The following BIN2 variants were observed in gnomAD, a reference collection of about 807,000 sequenced individuals.
BIN2 encodes breast cancer associated protein BRAP1.
A neutral mutation model predicts 67.9 loss-of-function variants in BIN2; 43 were observed. That is an observed-to-expected ratio of 0.63 (90% CI 0.50 to 0.82). The LOEUF is 0.82. Ranked by LOEUF, BIN2 falls within the 40% of genes least tolerant of loss-of-function variation. The pLI is 0.00. For missense variants in BIN2, 581 were observed against 671.6 expected, an observed-to-expected ratio of 0.87 and a Z score of 1.49; for synonymous variants, 244 against 246.8, an observed-to-expected ratio of 0.99 and a Z score of 0.11.
At chr12:51,307,516 CTGGCCAACA>C (rs1376620223) in intron 2 of BIN2, among the ~76,000 whole-genome samples, 1 of 151,664 alleles carries the variant, frequency 6.6e-6, no homozygotes, top group Non-Finnish European at 1.5e-5. Context: ...CAAGACCAGC[CTGGCCAACA>C]TGGTGAAACC....
At chr12:51,319,988 T>C (rs1946228441) in intron 1 of BIN2, among the ~76,000 whole-genome samples, 1 of 152,116 alleles carries the variant, frequency 6.6e-6, no homozygotes, top group Admixed American at 6.5e-5. Context: ...TCTCCCTCTC[T>C]TTCTTTCTTA....
In BIN2 at chr12:51,324,094, C is replaced by T. The variant is rs749090623; in HGVS notation, c.9G>A (p.Glu3=). The change falls in exon 1 of 13, where the codon GAG becomes GAA. Residue 3 remains glutamate, a synonymous_variant. Coordinates refer to ENST00000615107, the MANE Select transcript of BIN2 (RefSeq NM_016293.4). The stretch of plus-strand genomic sequence containing the variant: ...GGCCGGCCGCGCCGCCTGCCTTGCC[C>T]TCTGCCATCCTGCCAACTCCCTGGG... MA[E]GKAGGAAGLF... is the part of the protein sequence containing the mutation. The T allele has an allele frequency of 3.1e-6, 5 of 1,613,390 alleles. No homozygotes were observed. The East Asian group carries it at 8.9e-5, about 29-fold the overall frequency.
intron 1 of BIN2, among the ~76,000 whole-genome samples, chr12:51,319,808 T>C (rs1367329387): frequency 6.6e-6 from 1 of 152,194 alleles, no homozygotes; most frequent in Non-Finnish European, 1.5e-5. Context: ...TTCCCTACCA[T>C]TGCCTCTCCC....
chr12:51,288,059 G>T, intron 11 of BIN2, 49 bp downstream of exon 11: 3 of 1,296,756 alleles, frequency 2.3e-6, no homozygotes, highest in Non-Finnish European at 3.3e-6. Context: ...AAATTTTAAT[G>T]TACAAAAAAA....
At chr12:51,315,255 C>G (rs1483152004) in intron 1 of BIN2, among the ~76,000 whole-genome samples, 1 of 151,906 alleles carries the variant, frequency 6.6e-6, no homozygotes, top group Admixed American at 6.6e-5. Flanking sequence ...CTGCAAGCTC[C>G]GCCTCCCGGG....
At chr12:51,321,938 G>A (rs1946294193) in intron 1 of BIN2, among the ~76,000 whole-genome samples, 1 of 152,208 alleles carries the variant, frequency 6.6e-6, no homozygotes. Context: ...ACGGAGCTGA[G>A]CTCCCTTCCG....
At chr12:51,324,327 T>A (rs1000497833), upstream of BIN2, 4 of 1,336,480 alleles carry the variant, frequency 3.0e-6, no homozygotes, top group African/African-American at 6.1e-5. Context: ...CAGGCAGCGC[T>A]CGCTCGAGGC....
chr12:51,306,858 A>G (rs1945875918), intron 2 of BIN2, among the ~76,000 whole-genome samples: 1 of 152,226 alleles, frequency 6.6e-6, no homozygotes, highest in Non-Finnish European at 1.5e-5. Context: ...AAAAGCTTAG[A>G]TAGCCTAACA....
At chr12:51,284,671 C>T in intron 12 of BIN2, 45 bp downstream of exon 12, 1 of 1,466,306 alleles carries the variant, frequency 6.8e-7, no homozygotes, top group Non-Finnish European at 9.6e-7. Context: ...TCCCAAACCC[C>T]TGTCAATCTA....
intron 12 of BIN2, among the ~76,000 whole-genome samples, chr12:51,282,768 T>A (rs1486721510): frequency 6.6e-6 from 1 of 151,822 alleles, no homozygotes; most frequent in Non-Finnish European, 1.5e-5. Flanking sequence ...CATGCCCGGC[T>A]AATTTTTGTA....
At chr12:51,310,855 C>T (rs1049347907) in intron 2 of BIN2, among the ~76,000 whole-genome samples, 4 of 150,292 alleles carry the variant, frequency 2.7e-5, no homozygotes, top group African/African-American at 9.8e-5. Flanking sequence ...CGACCTGAGA[C>T]TCAGTCAGTC....
chr12:51,283,167 G>T (rs1229904993), intron 12 of BIN2, among the ~76,000 whole-genome samples: 1 of 150,484 alleles, frequency 6.6e-6, no homozygotes, highest in Non-Finnish European at 1.5e-5. Flanking sequence ...TGAGGCAGGA[G>T]AATCGCTTGA....
chr12:51,288,844 G>A (rs1319051797), intron 10 of BIN2, among the ~76,000 whole-genome samples: 2 of 151,808 alleles, frequency 1.3e-5, no homozygotes, highest in African/African-American at 2.4e-5. Context: ...CTGCCTCCTG[G>A]GTTCAAGCGA....
At chr12:51,287,801 G>T (rs779727526) in intron 11 of BIN2, among the ~76,000 whole-genome samples, 1 of 151,750 alleles carries the variant, frequency 6.6e-6, no homozygotes, top group Admixed American at 6.6e-5. Context: ...ACAGGCACCC[G>T]CCACCACACC....
At chr12:51,290,622 C>G (rs370960372) in intron 10 of BIN2, among the ~76,000 whole-genome samples, 1 of 151,306 alleles carries the variant, frequency 6.6e-6, no homozygotes, top group Admixed American at 6.6e-5. Context: ...GTCAGGAGTT[C>G]GGCACCAGCC....
chr12:51,312,989 T>G (rs546936783), intron 2 of BIN2, among the ~76,000 whole-genome samples: 24 of 152,250 alleles, frequency 1.6e-4, no homozygotes, highest in Admixed American at 8.5e-4. Context: ...TCCCAGCACT[T>G]CGGGAGGCCA....
intron 12 of BIN2, among the ~76,000 whole-genome samples, chr12:51,281,952 C>A (rs1336650318): frequency 6.6e-6 from 1 of 152,066 alleles, no homozygotes; most frequent in African/African-American, 2.4e-5. Flanking sequence ...CTAGAATGGT[C>A]TTGAACTCCT....
At chr12:51,285,131 T>C (rs1428419396) in intron 11 of BIN2, among the ~76,000 whole-genome samples, 2 of 152,210 alleles carry the variant, frequency 1.3e-5, no homozygotes, top group East Asian at 1.9e-4. Context: ...TTAAAATTAC[T>C]ACCTGCCACT....
In BIN2 at chr12:51,291,599, T is replaced by C; in HGVS notation, c.1507A>G (p.Thr503Ala). 5 of 1,597,434 alleles carry C rather than the reference T, an allele frequency of 3.1e-6. No homozygotes were observed. Among genetic ancestry groups the C allele is most frequent in the Non-Finnish European group, 4.3e-6 (5 of 1,175,066 alleles). ...ACCAGAACTACTCTTACCTGAGATG[T>C]CATTAAGGTGGGGGAAGTACAAAGT... is the stretch of plus-strand genomic sequence containing the variant. ...EELCTSPTLM[T>A]SQVASEPGEA... The change falls in exon 10 of 13, where the codon ACA (threonine) becomes GCA (alanine). Residue 503 changes from threonine (T) to alanine (A), a missense_variant. Thr to Ala is a moderately conservative substitution (Grantham distance 58). Coordinates refer to ENST00000615107, the MANE Select transcript of BIN2 (RefSeq NM_016293.4).
Sources: allele counts gnomAD v4.1 joint callset (sites outside exome capture counted in the v4.1 genomes callset), GRCh38; gene constraint gnomAD v4.1.1; transcripts MANE v1.5; gene names NCBI Gene and HGNC (gene_info 2026-07-23, HGNC 2026-07-21).